Variants in RABGAP1 observed in about 807,000 individuals in gnomAD.
RABGAP1 encodes the protein RAB GTPase activating protein 1.
A neutral mutation model predicts 137.6 loss-of-function variants in RABGAP1; 23 were observed. The observed-to-expected ratio is 0.17, with a 90% confidence interval of 0.12 to 0.24. RABGAP1 has a LOEUF of 0.24. RABGAP1 is among the 10% of genes least tolerant of loss of function. RABGAP1 has a pLI of 1.00. For synonymous variants in RABGAP1, 451 were observed against 450.7 expected (o/e 1.00, Z -0.01); for missense variants, 906 against 1,275.8 (o/e 0.71, Z 4.42).
upstream of RABGAP1, chr9:122,937,981 C>A (rs555352811): frequency 1.3e-5 from 2 of 151,896 alleles, no homozygotes; most frequent in Admixed American, 1.3e-4. Context: ...CAGAGCGAGA[C>A]TCTTAGAAAA....
chr9:122,969,971 T>C (rs1258013425), intron 2 of RABGAP1, among the ~76,000 whole-genome samples: 1 of 152,154 alleles, frequency 6.6e-6, no homozygotes, highest in Non-Finnish European at 1.5e-5. Flanking sequence ...GCACAATCTC[T>C]GTTCATTACA....
rs2033331370 is a variant in RABGAP1 at position 123,048,772 on chromosome 9, GGTAACA to G, written c.1795-16572_1795-16567del. The stretch of plus-strand genomic sequence containing the variant: ...ATATTTTGTGTGTTCACTTTTGTCA[GGTAACA>G]GTACTTGAGTATTTCCTGCTTCTTG... On this transcript the variant is annotated intron_variant, in intron 13 of 25. Coordinates refer to ENST00000373647, the MANE Select transcript of RABGAP1 (RefSeq NM_012197.4). Among the ~76,000 whole-genome samples the G allele has an allele frequency of 4.6e-5, 7 of 152,278 alleles. No homozygotes were observed. The South Asian group carries it at 1.5e-3, about 32-fold the overall frequency.
chr9:122,951,407 T>G (rs970369981), intron 1 of RABGAP1, among the ~76,000 whole-genome samples: 11 of 151,724 alleles, frequency 7.3e-5, no homozygotes, highest in Admixed American at 3.9e-4. Flanking sequence ...CTGATAGTAC[T>G]CTGTCTCAAA....
At chr9:122,972,888 C>A (rs1378795169) in intron 2 of RABGAP1, among the ~76,000 whole-genome samples, 5 of 151,310 alleles carry the variant, frequency 3.3e-5, no homozygotes, top group Non-Finnish European at 7.4e-5. Context: ...GTAATCCCAG[C>A]ACTTGGGGAG....
intron 22 of RABGAP1, among the ~76,000 whole-genome samples, chr9:123,098,310 G>C (rs116157988): frequency 1.1e-4 from 16 of 152,196 alleles, no homozygotes; most frequent in Non-Finnish European, 1.8e-4. Flanking sequence ...GTCACACCAC[G>C]GTCGTCCAGG....
chr9:122,942,687 A>AC (rs1204429442), intron 1 of RABGAP1, among the ~76,000 whole-genome samples: 1 of 148,032 alleles, frequency 6.8e-6, no homozygotes, highest in Non-Finnish European at 1.5e-5. Context: ...AAAAAAAAAA[A>AC]ACACAAAAAA....
chr9:123,025,001 A>G (rs1400030047), intron 13 of RABGAP1, among the ~76,000 whole-genome samples: 1 of 152,098 alleles, frequency 6.6e-6, no homozygotes, highest in African/African-American at 2.4e-5. Context: ...TTCTGTCTCT[A>G]TATTTTGTAA....
chr9:123,077,391 A>T (rs936939400), intron 19 of RABGAP1, among the ~76,000 whole-genome samples: 1 of 151,794 alleles, frequency 6.6e-6, no homozygotes, highest in Admixed American at 6.6e-5. Context: ...GGCTCAAGTG[A>T]TCCTCCCACA....
chr9:122,968,246 G>A (rs1411218338), intron 2 of RABGAP1, among the ~76,000 whole-genome samples: 1 of 130,642 alleles, frequency 7.7e-6, no homozygotes, highest in Non-Finnish European at 1.6e-5. Flanking sequence ...TTTTTGAGGT[G>A]GAGTCTGGCT....
chr9:123,008,249 G>A (rs2030479603), intron 10 of RABGAP1, among the ~76,000 whole-genome samples: 1 of 152,172 alleles, frequency 6.6e-6, no homozygotes, highest in Non-Finnish European at 1.5e-5. Flanking sequence ...ACGTTGGTTT[G>A]TTTATTTTTA....
intron 19 of RABGAP1, among the ~76,000 whole-genome samples, chr9:123,086,546 T>A (rs1305160725): frequency 1.3e-5 from 2 of 152,176 alleles, no homozygotes; most frequent in Non-Finnish European, 2.9e-5. Context: ...GCATCAGCCT[T>A]TATCTTGGAA....
chr9:123,081,428 T>C (rs1386546874), intron 19 of RABGAP1, among the ~76,000 whole-genome samples: 2 of 152,146 alleles, frequency 1.3e-5, no homozygotes, highest in Non-Finnish European at 2.9e-5. Flanking sequence ...GCTACTTTTG[T>C]TGTCATTGTT....
At chr9:123,031,687 AT>A (rs2032309470) in intron 13 of RABGAP1, among the ~76,000 whole-genome samples, 2 of 152,322 alleles carry the variant, frequency 1.3e-5, no homozygotes, top group South Asian at 4.1e-4. Flanking sequence ...AAGGTGATTG[AT>A]TCCTAAGTTT....
At chr9:123,052,712 T>A (rs188233787) in intron 13 of RABGAP1, among the ~76,000 whole-genome samples, 1 of 152,276 alleles carries the variant, frequency 6.6e-6, no homozygotes, top group Non-Finnish European at 1.5e-5. Context: ...AGCAGATCAC[T>A]TGAGGCTAGG....
At chr9:122,974,070 T>C (rs1835628371) in intron 2 of RABGAP1, among the ~76,000 whole-genome samples, 1 of 152,092 alleles carries the variant, frequency 6.6e-6, no homozygotes, top group Non-Finnish European at 1.5e-5. Flanking sequence ...AGATCTTTTA[T>C]TCAGCAAAGT....
chr9:123,089,556 A>T, intron 19 of RABGAP1: 1 of 515,466 alleles, frequency 1.9e-6, no homozygotes, highest in Non-Finnish European at 3.5e-6. Context: ...AAACATCTCC[A>T]ACAGAACTCT....
the RABGAP1 span, among the ~76,000 whole-genome samples, chr9:122,934,461 T>TTG: frequency 7.2e-5 from 11 of 152,216 alleles, no homozygotes; most frequent in East Asian, 1.7e-3. Context: ...AGCATGTGGA[T>TTG]TGTGTGTGTG....
chr9:123,069,531 A>C (rs1434021602), intron 14 of RABGAP1, among the ~76,000 whole-genome samples: 1 of 151,210 alleles, frequency 6.6e-6, no homozygotes, highest in Non-Finnish European at 1.5e-5. Context: ...TGAGCTTAGG[A>C]GTTTGAGACC....
chr9:123,035,105 G>T, intron 13 of RABGAP1: 1 of 1,614,078 alleles, frequency 6.2e-7, no homozygotes, highest in Non-Finnish European at 8.5e-7. Flanking sequence ...GTGTTTCAGT[G>T]GTGTGCGGAG....
Sources: allele counts gnomAD v4.1 joint callset (sites outside exome capture counted in the v4.1 genomes callset), GRCh38; gene constraint gnomAD v4.1.1; transcripts MANE v1.5; gene names NCBI Gene and HGNC (gene_info 2026-07-23, HGNC 2026-07-21).